Variants in GPHN observed in about 807,000 individuals in gnomAD.
GPHN encodes gephyrin.
GPHN carries 17 observed loss-of-function variants against 95.5 expected under a neutral mutation model. The ratio of observed to expected loss-of-function variants is 0.18; its 90% CI spans 0.12 to 0.27. The LOEUF (loss-of-function observed/expected upper bound fraction) is 0.27, where lower values mean the gene tolerates loss of function less well. Ranked by LOEUF, GPHN falls within the 10% of genes least tolerant of loss-of-function variation. The pLI, the probability that GPHN is intolerant of heterozygous loss-of-function variation, is 1.00. For missense variants in GPHN, 660 were observed against 978.1 expected, an observed-to-expected ratio of 0.67 and a Z score of 4.34; for synonymous variants, 320 against 322.5, an observed-to-expected ratio of 0.99 and a Z score of 0.08.
chr14:67,414,089 C>T, the GPHN span, among the ~76,000 whole-genome samples: 3 of 152,236 alleles, frequency 2.0e-5, no homozygotes, highest in African/African-American at 7.2e-5. Context: ...TATCCATCTC[C>T]TTCCTCAAAG....
intron 1 of GPHN, among the ~76,000 whole-genome samples, chr14:66,601,493 C>G (rs2062242367): frequency 6.6e-6 from 1 of 151,902 alleles, no homozygotes; most frequent in African/African-American, 2.4e-5. Flanking sequence ...GGGGCAACCT[C>G]TTTAGTTTTC....
chr14:66,664,120 T>C (rs550581537), intron 1 of GPHN, among the ~76,000 whole-genome samples: 1 of 152,222 alleles, frequency 6.6e-6, no homozygotes, highest in South Asian at 2.1e-4. Flanking sequence ...AGATCTGGAT[T>C]AAATGGACCT....
intron 1 of GPHN, among the ~76,000 whole-genome samples, chr14:66,551,738 G>A (rs1242797109): frequency 1.3e-5 from 2 of 152,188 alleles, no homozygotes; most frequent in African/African-American, 4.8e-5. Context: ...GGAAGATGAA[G>A]GGGAAGCAGG....
At chr14:66,628,846 T>A (rs948302052) in intron 1 of GPHN, among the ~76,000 whole-genome samples, 1 of 151,560 alleles carries the variant, frequency 6.6e-6, no homozygotes, top group African/African-American at 2.4e-5. Context: ...GATTGCTTAA[T>A]CCCAGGAGTT....
chr14:66,666,848 C>A (rs2065990866), intron 1 of GPHN, among the ~76,000 whole-genome samples: 1 of 152,158 alleles, frequency 6.6e-6, no homozygotes, highest in South Asian at 2.1e-4. Context: ...GTCAACCTAT[C>A]CCTGTTTCCA....
At chr14:66,726,416 A>G (rs2071242258) in intron 2 of GPHN, among the ~76,000 whole-genome samples, 1 of 152,230 alleles carries the variant, frequency 6.6e-6, no homozygotes, top group Admixed American at 6.5e-5. Context: ...ATAAAAGTCT[A>G]GTATATTTTA....
At chr14:67,583,744 G>A in the GPHN span, 5 of 1,610,636 alleles carry the variant, frequency 3.1e-6, no homozygotes, top group Non-Finnish European at 4.2e-6. Context: ...ACCACAGGTA[G>A]AATATGGGGA....
At chr14:67,641,361 A>G in the GPHN span, among the ~76,000 whole-genome samples, 1 of 152,226 alleles carries the variant, frequency 6.6e-6, no homozygotes. Flanking sequence ...AAGCCTTTGG[A>G]TAATGGGTAC....
At chr14:66,591,358 G>A (rs187839168) in intron 1 of GPHN, among the ~76,000 whole-genome samples, 15 of 152,264 alleles carry the variant, frequency 9.9e-5, no homozygotes, top group Middle Eastern at 3.4e-3. Flanking sequence ...AATAGAAGAC[G>A]TCAGATTGTC....
At chr14:67,574,094 A>C in the GPHN span, 7 of 722,496 alleles carry the variant, frequency 9.7e-6, no homozygotes, top group Non-Finnish European at 2.3e-6. The surrounding 1 kb of genome is among the most constrained non-coding windows in gnomAD (Gnocchi z 4.2). Context: ...CAGGGAGGAA[A>C]AGATGAGGAG....
At position 67,108,125 on chromosome 14, in the gene GPHN, G is replaced by A. The variant is rs1595169503; in HGVS notation, c.1294-2015G>A. ...CTGCAGCACCCAGGAGCTAGCAACA[G>A]TGAGATTTCCTTACCACATCTTAGT... is the stretch of plus-strand genomic sequence containing the variant. On this transcript the variant is annotated intron_variant, in intron 13 of 22. Transcript: ENST00000478722. 2.0e-5 allele frequency among the ~76,000 whole-genome samples: 3 copies of A among 152,324 alleles called. No individual in the cohort carries two copies. In the East Asian group the frequency reaches 5.8e-4, roughly 29 times the overall value.
At chr14:66,604,195 A>G (rs2062398133) in intron 1 of GPHN, among the ~76,000 whole-genome samples, 1 of 152,112 alleles carries the variant, frequency 6.6e-6, no homozygotes, top group South Asian at 2.1e-4. Context: ...AGGCAGTAAT[A>G]TAGGTGGTAG....
At chr14:66,973,082 AAC>A (rs1486451642) in intron 9 of GPHN, among the ~76,000 whole-genome samples, 1 of 152,202 alleles carries the variant, frequency 6.6e-6, no homozygotes, top group Non-Finnish European at 1.5e-5. Flanking sequence ...CAAATGAGCA[AAC>A]TGGCTTATGT....
chr14:66,815,232 T>G (rs1020754388), intron 3 of GPHN, among the ~76,000 whole-genome samples: 4 of 152,194 alleles, frequency 2.6e-5, no homozygotes, highest in Non-Finnish European at 4.4e-5. Flanking sequence ...GGAACCAACT[T>G]GGAAAACATG....
At chr14:66,633,826 A>T (rs2063955570) in intron 1 of GPHN, among the ~76,000 whole-genome samples, 1 of 152,096 alleles carries the variant, frequency 6.6e-6, no homozygotes, top group South Asian at 2.1e-4. Flanking sequence ...GGTTTCTCTC[A>T]TTACTAATGA....
At chr14:66,693,179 C>G (rs774177486) in intron 2 of GPHN, among the ~76,000 whole-genome samples, 1 of 152,000 alleles carries the variant, frequency 6.6e-6, no homozygotes, top group Non-Finnish European at 1.5e-5. Flanking sequence ...TAAAAGATAG[C>G]TAAATTTTCA....
At chr14:66,709,394 C>T (rs1041939419) in intron 2 of GPHN, 3 of 455,822 alleles carry the variant, frequency 6.6e-6, no homozygotes, top group Non-Finnish European at 1.3e-5. Flanking sequence ...TGGCTGAAAC[C>T]ACAGATACTA....
chr14:67,394,934 C>A, the GPHN span, among the ~76,000 whole-genome samples: 1 of 152,220 alleles, frequency 6.6e-6, no homozygotes, highest in African/African-American at 2.4e-5. Context: ...TGCCTCAGGA[C>A]TCTGCAGAGA....
At chr14:66,648,708 C>A (rs186323826) in intron 1 of GPHN, among the ~76,000 whole-genome samples, 1 of 152,222 alleles carries the variant, frequency 6.6e-6, no homozygotes, top group East Asian at 1.9e-4. Context: ...GAGAACATAT[C>A]CCTGTTGTTA....
Sources: allele counts gnomAD v4.1 joint callset (sites outside exome capture counted in the v4.1 genomes callset), GRCh38; gene constraint gnomAD v4.1.1; non-coding constraint Gnocchi (gnomAD v3.1); transcripts MANE v1.5; gene names NCBI Gene and HGNC (gene_info 2026-07-23, HGNC 2026-07-21).